The following KIAA1328 variants were observed in gnomAD, a reference collection of about 807,000 sequenced individuals.
KIAA1328 encodes protein hinderin.
Under a neutral mutation model 68.1 loss-of-function variants are expected in KIAA1328, and 52 were observed. That is an observed-to-expected ratio of 0.76 (90% CI 0.61 to 0.96). The LOEUF is 0.96. KIAA1328 is among the 40% of genes least tolerant of loss of function. The probability of loss-of-function intolerance (pLI) is 0.00; values close to 1 mark genes in which losing one functional copy is unlikely to be tolerated. For synonymous variants in KIAA1328, 232 were observed against 239.4 expected (o/e 0.97, Z 0.28); for missense variants, 641 against 677.6 (o/e 0.95, Z 0.60).
chr18:36,949,011 TGTCAG>T (rs1568201832), intron 5 of KIAA1328, among the ~76,000 whole-genome samples: 1 of 152,218 alleles, frequency 6.6e-6, no homozygotes, highest in Non-Finnish European at 1.5e-5. Flanking sequence ...TAGTCTATAT[TGTCAG>T]GAATTTTCCC....
At chr18:36,960,543 C>T (rs898670397) in intron 6 of KIAA1328, among the ~76,000 whole-genome samples, 9 of 152,198 alleles carry the variant, frequency 5.9e-5, no homozygotes, top group African/African-American at 1.9e-4. Context: ...GACTGGGAGA[C>T]ACCTCACAGT....
chr18:37,116,302 C>G (rs2151918129), intron 7 of KIAA1328, among the ~76,000 whole-genome samples: 1 of 152,256 alleles, frequency 6.6e-6, no homozygotes, highest in Non-Finnish European at 1.5e-5. Flanking sequence ...GGTACTGGTT[C>G]CAAAACAGAG....
intron 9 of KIAA1328, among the ~76,000 whole-genome samples, chr18:37,220,810 TTTTG>T (rs753369846): frequency 7.2e-5 from 11 of 152,070 alleles, no homozygotes; most frequent in South Asian, 2.1e-4. Context: ...TCCAAACTGT[TTTTG>T]TTTGTTTGGT....
intron 4 of KIAA1328, among the ~76,000 whole-genome samples, chr18:36,856,411 A>C (rs2047384883): frequency 6.6e-6 from 1 of 151,984 alleles, no homozygotes; most frequent in Middle Eastern, 3.4e-3. Context: ...TCCCACCTTC[A>C]AGTTTGCTGA....
At chr18:37,199,703 C>T (rs924583312) in intron 9 of KIAA1328, among the ~76,000 whole-genome samples, 4 of 152,188 alleles carry the variant, frequency 2.6e-5, no homozygotes, top group African/African-American at 9.7e-5. Flanking sequence ...CTAATTTACA[C>T]TTCCACCAAC....
intron 5 of KIAA1328, among the ~76,000 whole-genome samples, chr18:36,918,812 C>T (rs1319040753): frequency 6.6e-6 from 1 of 152,150 alleles, no homozygotes; most frequent in African/African-American, 2.4e-5. Flanking sequence ...TTTGCATTAT[C>T]ATTCAGTTTA....
intron 9 of KIAA1328, among the ~76,000 whole-genome samples, chr18:37,203,447 A>C (rs555526615): frequency 3.0e-4 from 45 of 152,262 alleles, no homozygotes; most frequent in Admixed American, 1.4e-3. Flanking sequence ...CTTTCTTATA[A>C]CCTTTCTTAC....
chr18:37,162,290 AAAAG>A (rs2059297821), intron 8 of KIAA1328, among the ~76,000 whole-genome samples: 1 of 152,094 alleles, frequency 6.6e-6, no homozygotes, highest in African/African-American at 2.4e-5. Context: ...ATAAAAAAAA[AAAAG>A]AAACTTTTTC....
At position 37,140,064 on chromosome 18, in the gene KIAA1328, A is replaced by T. The variant is rs919744796; in HGVS notation, c.1233-20136A>T. ...TAATGATCAGCCATAATTAACTTGC[A>T]AATTTGAAATAATTAGAACAAATTA... On this transcript the variant is annotated intron_variant, in intron 7 of 9. Transcript: ENST00000280020. Among the ~76,000 whole-genome samples the T allele has an allele frequency of 2.6e-5, 4 of 152,330 alleles. 1 individual carries two copies. The highest frequency in any genetic ancestry group is 9.6e-5 in the African/African-American group (4 of 41,594).
chr18:37,080,978 A>T (rs2056930049), intron 7 of KIAA1328, among the ~76,000 whole-genome samples: 1 of 151,176 alleles, frequency 6.6e-6, no homozygotes, highest in African/African-American at 2.4e-5. Flanking sequence ...ACATACATTG[A>T]TTGATTGGTT....
intron 7 of KIAA1328, among the ~76,000 whole-genome samples, chr18:37,140,914 G>T (rs2058751564): frequency 6.6e-6 from 1 of 152,100 alleles, no homozygotes; most frequent in Admixed American, 6.5e-5. Context: ...ACTTTATGGT[G>T]CCTAGCACAA....
At chr18:36,994,803 C>A (rs888293458) in intron 6 of KIAA1328, among the ~76,000 whole-genome samples, 2 of 152,108 alleles carry the variant, frequency 1.3e-5, no homozygotes, top group African/African-American at 4.8e-5. Flanking sequence ...ATCATCTCAC[C>A]TCTTTTCAGC....
At chr18:36,979,038 A>G (rs1483664241) in intron 6 of KIAA1328, among the ~76,000 whole-genome samples, 1 of 152,178 alleles carries the variant, frequency 6.6e-6, no homozygotes, top group Non-Finnish European at 1.5e-5. Flanking sequence ...ACACACCTGT[A>G]TTCCCAGCTA....
At chr18:37,101,525 C>T (rs2057616838) in intron 7 of KIAA1328, among the ~76,000 whole-genome samples, 1 of 152,134 alleles carries the variant, frequency 6.6e-6, no homozygotes, top group African/African-American at 2.4e-5. Context: ...TGTGAAAAGA[C>T]CAAATCTACA....
intron 9 of KIAA1328, among the ~76,000 whole-genome samples, chr18:37,216,986 T>G (rs1295544465): frequency 7.5e-6 from 1 of 133,072 alleles, no homozygotes; most frequent in Non-Finnish European, 1.6e-5. Flanking sequence ...TTTGTTTTTT[T>G]TTTGTTTGTT....
intron 7 of KIAA1328, among the ~76,000 whole-genome samples, chr18:37,153,919 C>T (rs1253979943): frequency 5.4e-5 from 8 of 148,508 alleles, no homozygotes; most frequent in Admixed American, 1.3e-4. Context: ...TGTTTTTTCT[C>T]TTATACTCTA....
intron 5 of KIAA1328, among the ~76,000 whole-genome samples, chr18:36,935,756 G>C (rs945777766): frequency 3.9e-5 from 6 of 152,146 alleles, no homozygotes; most frequent in African/African-American, 1.4e-4. Flanking sequence ...AGTATATACT[G>C]TGTGTGTGTG....
chr18:36,917,053 T>A (rs1439900719), intron 5 of KIAA1328, among the ~76,000 whole-genome samples: 1 of 151,752 alleles, frequency 6.6e-6, no homozygotes, highest in African/African-American at 2.4e-5. Context: ...GGGTTAAAAA[T>A]AATGAGAATA....
chr18:37,020,468 C>G (rs1485693957), intron 6 of KIAA1328, among the ~76,000 whole-genome samples: 1 of 152,162 alleles, frequency 6.6e-6, no homozygotes, highest in Non-Finnish European at 1.5e-5. Flanking sequence ...TTCTCTCATG[C>G]AAAATTAACT....
Sources: gnomAD v4.1 joint callset for allele counts (sites outside exome capture counted in the v4.1 genomes callset) on GRCh38, gnomAD v4.1.1 for gene constraint, MANE v1.5 for transcripts, NCBI Gene and HGNC (gene_info 2026-07-23, HGNC 2026-07-21) for gene names.